The following HK2 variants were observed in gnomAD, a reference collection of about 807,000 sequenced individuals.
HK2 encodes the protein hexokinase-2.
In HK2, 42 loss-of-function variants were observed where a neutral mutation model predicts 92.9. The ratio of observed to expected loss-of-function variants is 0.45; its 90% CI spans 0.35 to 0.58. The LOEUF is 0.58. HK2 is among the 20% of genes least tolerant of loss of function. HK2 has a pLI of 0.00. For missense variants in HK2, 978 were observed against 1,245.1 expected (o/e 0.79, Z 3.23); for synonymous variants, 422 against 468.0 (o/e 0.90, Z 1.27).
chr2:74,877,402 A>G (rs1016928219), intron 8 of HK2, 81 bp downstream of exon 8: 25 of 1,494,444 alleles, frequency 1.7e-5, no homozygotes, highest in Non-Finnish European at 2.1e-5. Flanking sequence ...AGGGGGCTGT[A>G]CCTTTTGACT....
chr2:74,857,724 TG>T (rs1354622895), intron 2 of HK2, among the ~76,000 whole-genome samples: 1 of 152,168 alleles, frequency 6.6e-6, no homozygotes, highest in Non-Finnish European at 1.5e-5. Flanking sequence ...CTTTGTCAGT[TG>T]GGGGTATGAG....
intron 1 of HK2, among the ~76,000 whole-genome samples, chr2:74,842,077 C>G (rs1394040688): frequency 6.6e-6 from 1 of 152,196 alleles, no homozygotes; most frequent in Admixed American, 6.5e-5. Flanking sequence ...AGTTTCTTTT[C>G]CCTATAAAAT....
At chr2:74,889,801 C>T (rs1305933022) in intron 17 of HK2, among the ~76,000 whole-genome samples, 1 of 152,140 alleles carries the variant, frequency 6.6e-6, no homozygotes, top group Non-Finnish European at 1.5e-5. Flanking sequence ...TTTAGTTTTA[C>T]TTATTTTTGA....
chr2:74,882,888 G>C (rs1689437740), intron 12 of HK2, among the ~76,000 whole-genome samples: 1 of 151,798 alleles, frequency 6.6e-6, no homozygotes, highest in Non-Finnish European at 1.5e-5. Context: ...CTTGTTATGG[G>C]CTCAGGGCAT....
intron 15 of HK2, among the ~76,000 whole-genome samples, chr2:74,887,603 C>T (rs923273): frequency 0.31 from 46,775 of 151,578 alleles, 7,908 homozygotes; most frequent in Middle Eastern, 0.58. Flanking sequence ...CTTGAAATTT[C>T]GAAATAAGCC....
chr2:74,887,895 C>A lies in HK2; in HGVS notation c.2220-8C>A. On this transcript the variant is annotated splice_polypyrimidine_tract_variant and splice_region_variant and intron_variant, in intron 15 of 17. Coordinates refer to ENST00000290573, the MANE Select transcript of HK2 (RefSeq NM_000189.5). ...ACTTAACCTCCATGAATGTTACTTG[C>A]ATTGCAGGTTCGAGAAAATGATCAG... The A allele has an allele frequency of 1.2e-6, 2 of 1,613,196 alleles. No homozygotes were observed. Among genetic ancestry groups the A allele is most frequent in the Non-Finnish European group, 1.7e-6 (2 of 1,179,750 alleles).
chr2:74,870,684 C>T lies in HK2; in HGVS notation c.376-1616C>T, dbSNP rs551549708. Among the ~76,000 whole-genome samples, 17 of 151,960 alleles carry T rather than the reference C, an allele frequency of 1.1e-4. 1 individual carries two copies. The highest frequency in any genetic ancestry group is 6.6e-4 in the Admixed American group (10 of 15,256). On this transcript the variant is annotated intron_variant, in intron 3 of 17. Coordinates refer to ENST00000290573, the MANE Select transcript of HK2 (RefSeq NM_000189.5). Reference sequence around the variant, plus strand: ...ATATAATTCATCTCTAGTCACCTTCCCGACAGAACAGAATTTGCTGAATAT... The same window carrying T: ...ATATAATTCATCTCTAGTCACCTTCTCGACAGAACAGAATTTGCTGAATAT...
In HK2 at chr2:74,834,763, A is replaced by AGCCG; in HGVS notation, c.63+120_63+121insGCCG. The AGCCG allele has an allele frequency of 3.2e-5, 36 of 1,123,096 alleles. No individual in the cohort carries two copies. The highest frequency in any genetic ancestry group is 4.5e-5 in the Non-Finnish European group (34 of 747,498). The allele number at this position is 1,123,096 out of a possible 1,614,324, so 69.6% of individuals were successfully genotyped here. ...CCCTACTCCGGGCCTGGGAGCGGAA[A>AGCCG]AAGTTTGGGCAGCCGGGACACTCCT... On this transcript the variant is annotated intron_variant, in intron 1 of 17. Transcript: ENST00000290573. The surrounding 1 kb of genome is among the most constrained non-coding windows in gnomAD (Gnocchi z 4.2).
chr2:74,874,324 C>T lies in HK2; in HGVS notation c.750C>T (p.Gly250=), dbSNP rs773460684. The T allele has an allele frequency of 6.8e-6, 11 of 1,614,072 alleles. No individual in the cohort carries two copies. Among genetic ancestry groups the T allele is most frequent in the African/African-American group, 2.7e-5 (2 of 74,984 alleles). ...EEMRHIDMVE[G]DEGRMCINME... ...TGCGCCACATCGACATGGTGGAAGGCGATGAGGGGCGGATGTGTATCAATA... is the reference window on the plus strand; with the variant it reads ...TGCGCCACATCGACATGGTGGAAGGTGATGAGGGGCGGATGTGTATCAATA... The change falls in exon 7 of 18, where the codon GGC becomes GGT. Residue 250 remains glycine, a synonymous_variant. Transcript: ENST00000290573.
chr2:74,876,427 C>G (rs1341219542), intron 7 of HK2, among the ~76,000 whole-genome samples: 1 of 152,188 alleles, frequency 6.6e-6, no homozygotes, highest in Non-Finnish European at 1.5e-5. Flanking sequence ...CCTCTCAGTT[C>G]TAGTCAGAAA....
In HK2 at chr2:74,837,672, C is replaced by CTT. The variant is rs894014535; in HGVS notation, c.63+3050_63+3051dup. ...TCACACTAGGTCCTTTTGCCCTTGT[C>CTT]TTTTTTTTTTTTTTTTTTTTTTGAG... is the stretch of plus-strand genomic sequence containing the variant. On this transcript the variant is annotated intron_variant, in intron 1 of 17. Coordinates refer to ENST00000290573, the MANE Select transcript of HK2 (RefSeq NM_000189.5). Among the ~76,000 whole-genome samples, 941 of 104,046 alleles carry CTT rather than the reference C, an allele frequency of 9.0e-3. 17 individuals are homozygous for CTT. The highest frequency in any genetic ancestry group is 0.018 in the African/African-American group (497 of 27,110). 68.3% of individuals were successfully genotyped at this position (104,046 alleles called of 152,430 possible).
At chr2:74,872,630 A>C (rs1344446552) in intron 4 of HK2, among the ~76,000 whole-genome samples, 1 of 152,088 alleles carries the variant, frequency 6.6e-6, no homozygotes, top group Non-Finnish European at 1.5e-5. Context: ...TCTCTCCCAC[A>C]CACATTGCAC....
chr2:74,885,423 C>G, intron 12 of HK2, 71 bp from the exon 13 acceptor site: 2 of 1,053,786 alleles, frequency 1.9e-6, no homozygotes, highest in South Asian at 1.3e-5. Context: ...GCTAGAAGCA[C>G]AGCTGGACCC....
At position 74,877,190 on chromosome 2, in the gene HK2, G is replaced by T. The variant is rs749039453; in HGVS notation, c.900G>T (p.Met300Ile). ...KQLFEKMISG[M>I]YMGELVRLIL... ...GGTTTGAGAAGATGATCAGTGGGAT[G>T]TACATGGGGGAGCTGGTGAGGCTTA... Residue 300 changes from methionine to isoleucine, a missense_variant, in exon 8 of 18, where the codon ATG (methionine) becomes ATT (isoleucine). Transcript: ENST00000290573. 2.3e-5 allele frequency: 37 copies of T among 1,614,084 alleles called. No individual in the cohort carries two copies. Among genetic ancestry groups the T allele is most frequent in the Non-Finnish European group, 3.1e-5 (37 of 1,180,042 alleles).
chr2:74,846,182 A>G (rs1318292755), intron 1 of HK2, among the ~76,000 whole-genome samples: 2 of 152,248 alleles, frequency 1.3e-5, no homozygotes. Flanking sequence ...GTCAGCACAG[A>G]GTCACTGGAA....
chr2:74,891,832 AT>A lies in HK2; in HGVS notation c.*892del, dbSNP rs1689687134. ...TAATGTATTTATATGTTAATTTGTT[AT>A]GTATATAGATGTGCAAGTCTTGTCA... On this transcript the variant is annotated 3_prime_UTR_variant, in exon 18 of 18. Coordinates refer to ENST00000290573, the MANE Select transcript of HK2 (RefSeq NM_000189.5). 6.6e-6 allele frequency: 1 copy of A among 152,630 alleles called. No homozygotes were observed. Among genetic ancestry groups the A allele is most frequent in the Non-Finnish European group, 1.5e-5 (1 of 68,036 alleles). The allele number at this position is 152,630 out of a possible 1,614,324, so 9.5% of individuals were successfully genotyped here. A position where few individuals can be genotyped will look rare whatever the true frequency, so the allele number is the denominator to read the frequency against.
At chr2:74,836,472 G>A (rs1688168632) in intron 1 of HK2, among the ~76,000 whole-genome samples, 1 of 152,214 alleles carries the variant, frequency 6.6e-6, no homozygotes, top group South Asian at 2.1e-4. Flanking sequence ...TTCTCTTTGT[G>A]AAATGCAATA....
intron 1 of HK2, among the ~76,000 whole-genome samples, chr2:74,842,958 C>T (rs1323645464): frequency 6.6e-6 from 1 of 152,234 alleles, no homozygotes; most frequent in African/African-American, 2.4e-5. Context: ...GCAGAGGCTT[C>T]AGAGGGCATT....
At chr2:74,866,435 G>T (rs911325615) in intron 2 of HK2, among the ~76,000 whole-genome samples, 2 of 152,156 alleles carry the variant, frequency 1.3e-5, no homozygotes, top group Admixed American at 1.3e-4. Context: ...GGTGCTGCTC[G>T]CAGTTGGGGC....
Sources: gnomAD v4.1 joint callset for allele counts (sites outside exome capture counted in the v4.1 genomes callset) on GRCh38, gnomAD v4.1.1 for gene constraint, Gnocchi (gnomAD v3.1) non-coding constraint, MANE v1.5 for transcripts, NCBI Gene and HGNC (gene_info 2026-07-23, HGNC 2026-07-21) for gene names.